ANGPT2: variants seen among roughly 807,000 people sequenced by gnomAD.
The protein encoded by ANGPT2 is angiopoietin-2.
A neutral mutation model predicts 62.9 loss-of-function variants in ANGPT2; 28 were observed. The ratio of observed to expected loss-of-function variants is 0.44; its 90% confidence interval spans 0.33 to 0.61. The LOEUF is 0.61. ANGPT2 is among the 20% of genes least tolerant of loss of function. The pLI, the probability that ANGPT2 is intolerant of heterozygous loss-of-function variation, is 0.03. For missense variants in ANGPT2, 727 were observed against 594.9 expected, an observed-to-expected ratio of 1.22 and a Z score of -2.31; for synonymous variants, 284 against 207.8, an observed-to-expected ratio of 1.37 and a Z score of -3.15.
chr8:6,534,366 C>T (rs116464933), intron 1 of ANGPT2, among the ~76,000 whole-genome samples: 46 of 152,280 alleles, frequency 3.0e-4, no homozygotes, highest in African/African-American at 9.9e-4. Context: ...CAGATCTACC[C>T]TGTTTTACGG....
chr8:6,504,729 A>G (rs548426937), intron 8 of ANGPT2, among the ~76,000 whole-genome samples: 1 of 152,282 alleles, frequency 6.6e-6, no homozygotes, highest in East Asian at 1.9e-4. Context: ...TATCCATGAA[A>G]TTGGAAGCAA....
chr8:6,504,317 CA>C (rs35379672), intron 8 of ANGPT2, among the ~76,000 whole-genome samples: 8,392 of 85,588 alleles, frequency 0.098, 366 homozygotes, highest in African/African-American at 0.24. Context: ...GACTCCAGCT[CA>C]AAAAAAAAAA....
chr8:6,516,493 T>C (rs1402858486), intron 5 of ANGPT2, among the ~76,000 whole-genome samples: 1 of 152,220 alleles, frequency 6.6e-6, no homozygotes, highest in African/African-American at 2.4e-5. Flanking sequence ...CCTGACCCTT[T>C]GGTAAATAGG....
chr8:6,503,860 A>G (rs1201948547), intron 8 of ANGPT2, among the ~76,000 whole-genome samples: 1 of 152,232 alleles, frequency 6.6e-6, no homozygotes, highest in Non-Finnish European at 1.5e-5. Flanking sequence ...GTGAAGCCCC[A>G]TCTGCACCTT....
intron 3 of ANGPT2, among the ~76,000 whole-genome samples, chr8:6,524,522 T>C (rs1319578801): frequency 6.6e-6 from 1 of 152,236 alleles, no homozygotes; most frequent in Non-Finnish European, 1.5e-5. Flanking sequence ...GAAATTGACA[T>C]ACACGTTTCA....
chr8:6,514,843 C>A (rs746775061), intron 5 of ANGPT2, 65 bp from the exon 6 acceptor site: 1 of 1,415,122 alleles, frequency 7.1e-7, no homozygotes, highest in Non-Finnish European at 9.9e-7. Flanking sequence ...GTAGCAGAAG[C>A]AGGAGGAATG....
intron 1 of ANGPT2, among the ~76,000 whole-genome samples, chr8:6,550,760 C>G (rs143226790): frequency 1.6e-3 from 237 of 152,262 alleles, no homozygotes; most frequent in African/African-American, 5.5e-3. Context: ...GTTCTGATAC[C>G]TCTCAGAGCT....
chr8:6,513,205 A>G (rs1815529102), intron 7 of ANGPT2, among the ~76,000 whole-genome samples: 1 of 152,238 alleles, frequency 6.6e-6, no homozygotes, highest in African/African-American at 2.4e-5. Flanking sequence ...TGTTATAACC[A>G]AAGTTAGAAT....
chr8:6,548,117 T>C (rs1297242327), intron 1 of ANGPT2, among the ~76,000 whole-genome samples: 2 of 152,190 alleles, frequency 1.3e-5, no homozygotes, highest in East Asian at 3.9e-4. Context: ...TTTTGGCTGC[T>C]CTTTGGGATT....
chr8:6,554,675 C>T (rs1022922953), intron 1 of ANGPT2, among the ~76,000 whole-genome samples: 1 of 152,058 alleles, frequency 6.6e-6, no homozygotes, highest in East Asian at 1.9e-4. Flanking sequence ...AAAAATAATT[C>T]ACAGACATGT....
At chr8:6,511,222 C>T (rs774741763) in intron 7 of ANGPT2, among the ~76,000 whole-genome samples, 30 of 151,376 alleles carry the variant, frequency 2.0e-4, no homozygotes, top group Non-Finnish European at 3.5e-4. Context: ...GTTTAAAGTG[C>T]TTTCTTTAAA....
At position 6,502,064 on chromosome 8, in the gene ANGPT2, C is replaced by T. The variant is rs1211084116; in HGVS notation, c.*1037G>A. 1 of 151,726 alleles carries T rather than the reference C, an allele frequency of 6.6e-6. No individual in the cohort carries two copies. The highest frequency in any genetic ancestry group is 1.5e-5 in the Non-Finnish European group (1 of 67,958). The allele number at this position is 151,726 out of a possible 1,614,324, so 9.4% of individuals were successfully genotyped here. ...TTCTTAAATAGAAGGCTTTTCTCAA[C>T]CAGAAATTAAATTGTAGTCTAGTTC... On this transcript the variant is annotated 3_prime_UTR_variant, in exon 9 of 9. Transcript: ENST00000629816.
chr8:6,525,486 T>G (rs905531769), intron 3 of ANGPT2, among the ~76,000 whole-genome samples: 7 of 152,218 alleles, frequency 4.6e-5, no homozygotes, highest in African/African-American at 1.7e-4. Context: ...CACTCTGGCC[T>G]CCCAAAGTGC....
intron 2 of ANGPT2, among the ~76,000 whole-genome samples, chr8:6,528,047 C>A (rs1238961002): frequency 6.8e-6 from 1 of 147,566 alleles, no homozygotes; most frequent in Non-Finnish European, 1.5e-5. Flanking sequence ...AGGTGCGTAC[C>A]ACCATACCCA....
chr8:6,520,443 G>C lies in ANGPT2; in HGVS notation c.800-452C>G, dbSNP rs147444071. Among the ~76,000 whole-genome samples the C allele has an allele frequency of 4.6e-5, 7 of 152,220 alleles. No homozygotes were observed. In the East Asian group the frequency reaches 1.4e-3, roughly 29 times the overall value. ...AGGCCATTATCCCACTGAGGACATA[G>C]TGGGGTGCAGTGACACATCTCAGCT... On this transcript the variant is annotated intron_variant, in intron 4 of 8. Transcript: ENST00000629816.
At chr8:6,520,518 C>G (rs567372876) in intron 4 of ANGPT2, among the ~76,000 whole-genome samples, 2 of 152,274 alleles carry the variant, frequency 1.3e-5, no homozygotes, top group East Asian at 1.9e-4. Flanking sequence ...ACCTCAGCCT[C>G]CCAAGCAGCT....
Position 6,532,434 on chromosome 8 carries a change from C to G in ANGPT2, c.342G>C (p.Gln114His). Residue 114 changes from glutamine (Q) to histidine (H), a missense_variant, in exon 2 of 9, where the codon CAG becomes CAC. Physicochemically the swap from Gln to His is conservative, Grantham distance 24 (BLOSUM62 0). Transcript: ENST00000629816. ...CAGCCGTCTGGTTCTGTACTGCATT[C>G]TGCTGTATCTCTACCATTTCTTTCT... ...NMKKEMVEIQ[Q>H]NAVQNQTAVM... 1.2e-6 allele frequency: 2 copies of G among 1,613,942 alleles called. No homozygotes were observed. The highest frequency in any genetic ancestry group is 2.7e-5 in the African/African-American group (2 of 75,026).
At position 6,502,790 on chromosome 8, in the gene ANGPT2, C is replaced by T. The variant is rs1048125192; in HGVS notation, c.*311G>A. 8.4e-6 allele frequency: 3 copies of T among 356,218 alleles called. No individual in the cohort carries two copies. Among genetic ancestry groups the T allele is most frequent in the African/African-American group, 2.1e-5 (1 of 48,480 alleles). 22.1% of individuals were successfully genotyped at this position (356,218 alleles called of 1,614,324 possible). On this transcript the variant is annotated 3_prime_UTR_variant, in exon 9 of 9. Transcript: ENST00000629816. ...CCAGTTATTTACTGATAAACTTGCACATAACATTCTTGGTTGTGACAGCAG... is the reference window on the plus strand; with the variant it reads ...CCAGTTATTTACTGATAAACTTGCATATAACATTCTTGGTTGTGACAGCAG...
chr8:6,528,726 A>C (rs527744412), intron 2 of ANGPT2, among the ~76,000 whole-genome samples: 2 of 152,340 alleles, frequency 1.3e-5, no homozygotes, highest in South Asian at 4.1e-4. Context: ...ATGTGATATC[A>C]CATGCAAATG....
Sources: gnomAD v4.1 joint callset for allele counts (sites outside exome capture counted in the v4.1 genomes callset) on GRCh38, gnomAD v4.1.1 for gene constraint, MANE v1.5 for transcripts, NCBI Gene and HGNC (gene_info 2026-07-23, HGNC 2026-07-21) for gene names.